PM20D2: variants seen among roughly 807,000 people sequenced by gnomAD.
PM20D2 encodes the protein xaa-Arg dipeptidase.
PM20D2 carries 33 observed loss-of-function variants against 42.9 expected under a neutral mutation model. That is an observed-to-expected ratio of 0.77 (90% confidence interval 0.58 to 1.03). The LOEUF is 1.03. Among genes scored for constraint, PM20D2 ranks in the 50% least tolerant of loss-of-function variants. PM20D2 has a pLI of 0.00. For missense variants in PM20D2, 548 were observed against 557.0 expected, an observed-to-expected ratio of 0.98 and a Z score of 0.16; for synonymous variants, 250 against 228.2, an observed-to-expected ratio of 1.10 and a Z score of -0.86.
chr6:89,141,800 T>C (rs2127767422), upstream of PM20D2, among the ~76,000 whole-genome samples: 1 of 152,254 alleles, frequency 6.6e-6, no homozygotes, highest in East Asian at 1.9e-4. Context: ...GTTTAGCCAT[T>C]GTCCAAGTTT....
At chr6:89,112,662 T>A in the PM20D2 span, among the ~76,000 whole-genome samples, 1 of 152,084 alleles carries the variant, frequency 6.6e-6, no homozygotes, top group South Asian at 2.1e-4. Context: ...TCCTCCTGCC[T>A]TGGCCTCCCA....
chr6:89,129,295 A>T, the PM20D2 span, among the ~76,000 whole-genome samples: 4 of 152,118 alleles, frequency 2.6e-5, no homozygotes, highest in African/African-American at 9.7e-5. Context: ...CACAGAATGA[A>T]AAAAGGGGTG....
At chr6:89,094,777 G>C in the PM20D2 span, among the ~76,000 whole-genome samples, 2 of 125,744 alleles carry the variant, frequency 1.6e-5, no homozygotes, top group African/African-American at 2.9e-5. Flanking sequence ...ATTCTGCTAC[G>C]CATCTTTTTT....
rs1451015400 is a variant in PM20D2 at position 89,164,944 on chromosome 6, A to AAAAGG, written c.*2685_*2686insGAAAG. ...CTGTAAAAAAAAAAAAAAAAAAAAG[A>AAAAGG]AAAGAAAAGACACTGTTGCATGCCC... On this transcript the variant is annotated 3_prime_UTR_variant, in exon 7 of 7. Transcript: ENST00000275072. 7.5e-5 allele frequency: 11 copies of AAAAGG among 146,464 alleles called. No individual in the cohort carries two copies. The South Asian group carries it at 2.3e-3, about 31-fold the overall frequency. 9.1% of individuals were successfully genotyped at this position (146,464 alleles called of 1,614,324 possible). A position where few individuals can be genotyped will look rare whatever the true frequency, so the allele number is the denominator to read the frequency against.
the PM20D2 span, among the ~76,000 whole-genome samples, chr6:89,113,764 C>G: frequency 6.6e-6 from 1 of 152,140 alleles, no homozygotes; most frequent in Non-Finnish European, 1.5e-5. Context: ...CCACGTCAGC[C>G]TCTCAAATAG....
intron 2 of PM20D2, among the ~76,000 whole-genome samples, chr6:89,152,035 C>T (rs1047230054): frequency 6.6e-6 from 1 of 151,652 alleles, no homozygotes; most frequent in Non-Finnish European, 1.5e-5. Flanking sequence ...GTGGTGACTG[C>T]AGTGAGCTGT....
At chr6:89,120,434 A>G in the PM20D2 span, among the ~76,000 whole-genome samples, 1 of 152,194 alleles carries the variant, frequency 6.6e-6, no homozygotes, top group Non-Finnish European at 1.5e-5. Flanking sequence ...AAACCACTAC[A>G]TTGACTTTGC....
chr6:89,105,213 C>G, the PM20D2 span: 3 of 1,612,238 alleles, frequency 1.9e-6, no homozygotes, highest in Non-Finnish European at 2.5e-6. Flanking sequence ...CTCCTGTGAT[C>G]ACTTGGAGAA....
At chr6:89,103,378 G>T in the PM20D2 span, among the ~76,000 whole-genome samples, 7 of 151,610 alleles carry the variant, frequency 4.6e-5, no homozygotes. Context: ...ACCCAGGCTG[G>T]AGAGCAGTGG....
At chr6:89,107,346 G>T in the PM20D2 span, 15 of 956,120 alleles carry the variant, frequency 1.6e-5, no homozygotes, top group African/African-American at 2.3e-4. Context: ...ACCTTCAAAA[G>T]AAAGAACATC....
At chr6:89,132,909 A>AT in the PM20D2 span, among the ~76,000 whole-genome samples, 1 of 150,150 alleles carries the variant, frequency 6.7e-6, no homozygotes, top group Non-Finnish European at 1.5e-5. Flanking sequence ...TTTTTTAATT[A>AT]TTTTTTAGCA....
At chr6:89,141,042 A>G in the PM20D2 span, among the ~76,000 whole-genome samples, 1 of 151,778 alleles carries the variant, frequency 6.6e-6, no homozygotes, top group Non-Finnish European at 1.5e-5. Flanking sequence ...TGGGTATACC[A>G]TTACTCATAC....
chr6:89,152,907 C>G, intron 2 of PM20D2, 136 bp from the exon 3 acceptor site: 5 of 624,084 alleles, frequency 8.0e-6, no homozygotes, highest in Non-Finnish European at 1.1e-5. Flanking sequence ...AGTGTTATTA[C>G]TACAAATAAT....
chr6:89,148,519 A>C, intron 1 of PM20D2: 1 of 979,158 alleles, frequency 1.0e-6, no homozygotes, highest in Non-Finnish European at 1.2e-6. Flanking sequence ...TCTTTTGTTT[A>C]ATTAGGTGTT....
the PM20D2 span, chr6:89,105,450 T>C: frequency 6.2e-7 from 1 of 1,610,204 alleles, no homozygotes. Flanking sequence ...TTGTGCAAAC[T>C]GTATTTCAAT....
At position 89,146,506 on chromosome 6, in the gene PM20D2, G is replaced by T. The variant is rs1230839193; in HGVS notation, c.362G>T (p.Gly121Val). The T allele has an allele frequency of 5.3e-6, 8 of 1,522,272 alleles. No homozygotes were observed. In the South Asian group the frequency reaches 9.7e-5, roughly 18 times the overall value. 94.3% of individuals were successfully genotyped at this position (1,522,272 alleles called of 1,614,324 possible). A position where few individuals can be genotyped will look rare whatever the true frequency, so the allele number is the denominator to read the frequency against. The change falls in exon 1 of 7, where the codon GGC becomes GTC. Residue 121 changes from glycine to valine, a missense_variant. Physicochemically the swap from Gly to Val is moderately radical, Grantham distance 109 (BLOSUM62 -3). This residue lies in a region of PM20D2 where 470 missense variants were observed against 464.4 expected (regional missense o/e 1.01). Coordinates refer to ENST00000275072, the MANE Select transcript of PM20D2 (RefSeq NM_001010853.3). ...GAGTACGACGCGCTGCCCGGCATCG[G>T]CCACGCCTGCGGCCACAACCTCATC... ...LCEYDALPGIGHACGHNLIAE... is the reference protein window; with the variant it reads ...LCEYDALPGIVHACGHNLIAE...
chr6:89,106,375 A>C, the PM20D2 span, among the ~76,000 whole-genome samples: 2 of 152,200 alleles, frequency 1.3e-5, no homozygotes, highest in African/African-American at 4.8e-5. Context: ...AGCCTCCCAA[A>C]GTGCTGGGAT....
At chr6:89,108,677 G>A in the PM20D2 span, among the ~76,000 whole-genome samples, 1 of 152,200 alleles carries the variant, frequency 6.6e-6, no homozygotes, top group Non-Finnish European at 1.5e-5. Context: ...CTAGATCAAG[G>A]AGGAAGAAAA....
At chr6:89,099,077 T>C in the PM20D2 span, 1 of 1,182,562 alleles carries the variant, frequency 8.5e-7, no homozygotes, top group Non-Finnish European at 1.1e-6. Flanking sequence ...AAAAAATTTC[T>C]CATTTTATTA....
Sources: gnomAD v4.1 joint callset for allele counts (sites outside exome capture counted in the v4.1 genomes callset) on GRCh38, gnomAD v4.1.1 for gene constraint, gnomAD v4.1.1 regional missense constraint, MANE v1.5 for transcripts, NCBI Gene and HGNC (gene_info 2026-07-23, HGNC 2026-07-21) for gene names.